PCDH7: variants seen among roughly 807,000 people sequenced by gnomAD.
PCDH7 encodes the protein protocadherin-7.
In PCDH7, 17 loss-of-function variants were observed where a neutral mutation model predicts 58.9. The observed-to-expected ratio is 0.29, with a 90% CI of 0.20 to 0.43. The LOEUF (loss-of-function observed/expected upper bound fraction) is 0.43, where lower values mean the gene tolerates loss of function less well. PCDH7 is among the 20% of genes least tolerant of loss of function. PCDH7 has a pLI of 1.00. For missense variants in PCDH7, 1,274 were observed against 1,441.0 expected (o/e 0.88, Z 1.88); for synonymous variants, 664 against 616.4 (o/e 1.08, Z -1.14).
chr4:30,801,411 G>A (rs1489653642), intron 1 of PCDH7, among the ~76,000 whole-genome samples: 1 of 152,046 alleles, frequency 6.6e-6, no homozygotes, highest in Non-Finnish European at 1.5e-5. Context: ...CATGGAAGGA[G>A]AGCATAAAAG....
intron 1 of PCDH7, among the ~76,000 whole-genome samples, chr4:30,725,667 G>A (rs367955292): frequency 1.1e-3 from 174 of 152,048 alleles, no homozygotes; most frequent in Non-Finnish European, 2.3e-3. Flanking sequence ...AAAACATTAC[G>A]TATTTCTTAC....
intron 3 of PCDH7, among the ~76,000 whole-genome samples, chr4:31,056,796 T>C (rs1178148787): frequency 1.3e-5 from 2 of 152,132 alleles, no homozygotes; most frequent in East Asian, 3.9e-4. Flanking sequence ...GCCAGGCTGG[T>C]CTTGAACTCC....
chr4:30,876,894 C>G (rs933126491), intron 1 of PCDH7, among the ~76,000 whole-genome samples: 2 of 151,972 alleles, frequency 1.3e-5, no homozygotes, highest in Non-Finnish European at 2.9e-5. Context: ...TCCTAATGCT[C>G]TCTGTCCCCT....
At chr4:31,014,222 G>A (rs989593375) in intron 3 of PCDH7, among the ~76,000 whole-genome samples, 1 of 151,846 alleles carries the variant, frequency 6.6e-6, no homozygotes, top group Admixed American at 6.6e-5. Context: ...AAAAAAAATA[G>A]CGTAATTATA....
At chr4:30,766,112 G>A (rs535164448) in intron 1 of PCDH7, among the ~76,000 whole-genome samples, 110 of 89,648 alleles carry the variant, frequency 1.2e-3, no homozygotes, top group Non-Finnish European at 1.7e-3. Context: ...TTAAATGTAG[G>A]GAAAAAAAAA....
At chr4:30,732,108 A>G (rs1217312921) in exon 2 of PCDH7, 2 of 152,174 alleles carry the variant, frequency 1.3e-5, no homozygotes, top group Non-Finnish European at 2.9e-5. Context: ...TCTCTAATGT[A>G]TACCTGAGGA....
intron 3 of PCDH7, among the ~76,000 whole-genome samples, chr4:31,070,014 C>T (rs1234588077): frequency 1.3e-5 from 2 of 151,946 alleles, no homozygotes; most frequent in African/African-American, 4.8e-5. Context: ...TTTAGATTAA[C>T]TGAGAAGGTA....
intron 3 of PCDH7, among the ~76,000 whole-genome samples, chr4:31,043,057 A>G (rs1756010188): frequency 6.6e-6 from 1 of 152,054 alleles, no homozygotes; most frequent in South Asian, 2.1e-4. Flanking sequence ...TAATGCATTA[A>G]TCCATTAATT....
intron 3 of PCDH7, among the ~76,000 whole-genome samples, chr4:31,035,409 A>G (rs1480001891): frequency 6.6e-6 from 1 of 151,688 alleles, no homozygotes; most frequent in Admixed American, 6.6e-5. Flanking sequence ...GTGTGCCACC[A>G]CGCCCGGCTA....
intron 1 of PCDH7, among the ~76,000 whole-genome samples, chr4:30,743,653 G>T (rs886861294): frequency 2.0e-5 from 3 of 151,902 alleles, no homozygotes; most frequent in African/African-American, 7.3e-5. Context: ...CGGCCTCTGA[G>T]GAAAATCCTA....
chr4:30,750,326 C>T (rs1718343179), intron 1 of PCDH7, among the ~76,000 whole-genome samples: 1 of 152,124 alleles, frequency 6.6e-6, no homozygotes, highest in Admixed American at 6.5e-5. Flanking sequence ...TTGGCTTAAC[C>T]TTGCTATAAG....
intron 1 of PCDH7, among the ~76,000 whole-genome samples, chr4:30,871,755 G>T (rs1425143877): frequency 6.6e-6 from 1 of 152,018 alleles, no homozygotes; most frequent in East Asian, 1.9e-4. Context: ...TCACAGTTCT[G>T]AAGTCAGAAG....
At chr4:31,032,356 C>T (rs1755001768) in intron 3 of PCDH7, among the ~76,000 whole-genome samples, 1 of 152,116 alleles carries the variant, frequency 6.6e-6, no homozygotes, top group East Asian at 1.9e-4. Flanking sequence ...GCCTGTAATC[C>T]CAGCACTTTG....
At chr4:31,110,240 C>T (rs530507880) in intron 3 of PCDH7, among the ~76,000 whole-genome samples, 47 of 152,288 alleles carry the variant, frequency 3.1e-4, no homozygotes, top group African/African-American at 6.0e-4. Flanking sequence ...CATTCAAACA[C>T]GGACACTCTA....
downstream of PCDH7, among the ~76,000 whole-genome samples, chr4:30,733,697 T>C (rs1156968727): frequency 6.6e-6 from 1 of 152,174 alleles, no homozygotes. Context: ...AAGCACCAGT[T>C]TACCAAGGTG....
chr4:30,945,008 A>G (rs1283848208), intron 2 of PCDH7, among the ~76,000 whole-genome samples: 1 of 152,080 alleles, frequency 6.6e-6, no homozygotes, highest in Non-Finnish European at 1.5e-5. Context: ...ATGCAACTAA[A>G]TCTTGAAATT....
Position 30,722,211 on chromosome 4 carries a change from G to C in PCDH7, c.789G>C (p.Lys263Asn). The C allele has an allele frequency of 6.3e-7, 1 of 1,586,698 alleles. No individual in the cohort carries two copies. Among genetic ancestry groups the C allele is most frequent in the Non-Finnish European group, 8.6e-7 (1 of 1,167,196 alleles). The stretch of plus-strand genomic sequence containing the variant: ...AGAAGCAGCCGCAGCTGATCGTGAA[G>C]GGGGCGCTGGACCGCGAGCAGCGCG... Residue 263 changes from lysine to asparagine, a missense_variant, in exon 1 of 2, where the codon AAG becomes AAC. By Grantham distance (94) the Lys-to-Asn change is moderately conservative. Around this residue, in one of 3 missense-constraint regions of PCDH7, gnomAD observed 331 missense variants for 303.2 expected, o/e 1.09. Coordinates refer to ENST00000361762, the Ensembl canonical transcript of PCDH7. The surrounding 1 kb of genome is among the most constrained non-coding windows in gnomAD (Gnocchi z 7.6).
At chr4:31,125,081 T>TG (rs1718140513) in intron 3 of PCDH7, among the ~76,000 whole-genome samples, 1 of 152,228 alleles carries the variant, frequency 6.6e-6, no homozygotes, top group East Asian at 1.9e-4. Flanking sequence ...CCTGTTTTTT[T>TG]TAGCTGAATA....
Position 30,723,024 on chromosome 4 carries a change from G to A in PCDH7, c.1602G>A (p.Met534Ile), listed in dbSNP as rs373707084. Residue 534 changes from methionine to isoleucine, a missense_variant, in exon 1 of 2, where the codon ATG becomes ATA. Coordinates refer to ENST00000361762, the Ensembl canonical transcript of PCDH7. This position sits in a 1 kb window ranked among gnomAD's most constrained non-coding sequence, Gnocchi z 4.6. Reference sequence around the variant, plus strand: ...GAGACACCAACGACAACCCGCCCATGTTCGGCCAGTCGGTGGTGGAGGTTT... The same window carrying A: ...GAGACACCAACGACAACCCGCCCATATTCGGCCAGTCGGTGGTGGAGGTTT... 248 of 1,613,798 alleles carry A rather than the reference G, an allele frequency of 1.5e-4. 1 individual carries two copies. The highest frequency in any genetic ancestry group is 5.0e-4 in the South Asian group (46 of 91,096).
Sources: gnomAD v4.1 joint callset for allele counts (sites outside exome capture counted in the v4.1 genomes callset) on GRCh38, gnomAD v4.1.1 for gene constraint, gnomAD v4.1.1 regional missense constraint, Gnocchi (gnomAD v3.1) non-coding constraint, MANE v1.5 for transcripts, NCBI Gene and HGNC (gene_info 2026-07-23, HGNC 2026-07-21) for gene names.